PRDM16: variants seen among roughly 807,000 people sequenced by gnomAD.
PRDM16 encodes PR/SET domain 16.
A neutral mutation model predicts 110.6 loss-of-function variants in PRDM16; 23 were observed. That is an observed-to-expected ratio of 0.21 (90% CI 0.15 to 0.29). The LOEUF is 0.29. PRDM16 is among the 10% of genes least tolerant of loss of function. The pLI is 1.00. For missense variants in PRDM16, 1,615 were observed against 1,794.3 expected (o/e 0.90, Z 1.81); for synonymous variants, 799 against 781.8 (o/e 1.02, Z -0.37).
chr1:3,275,285 C>G (rs777226934), intron 3 of PRDM16, among the ~76,000 whole-genome samples: 1 of 152,210 alleles, frequency 6.6e-6, no homozygotes, highest in Non-Finnish European at 1.5e-5. Context: ...AGACCTTGTA[C>G]GTAACAAGTT....
chr1:3,150,991 G>T (rs1466459065), intron 1 of PRDM16, among the ~76,000 whole-genome samples: 1 of 106,860 alleles, frequency 9.4e-6, no homozygotes, highest in Admixed American at 1.1e-4. Context: ...GAAACGGGGG[G>T]CTGGTCCTAG....
At chr1:3,413,280 G>A (rs550044834) in intron 9 of PRDM16, among the ~76,000 whole-genome samples, 4 of 149,140 alleles carry the variant, frequency 2.7e-5, no homozygotes, top group South Asian at 4.2e-4. Flanking sequence ...GAGCCACAGC[G>A]GCAGGGGGAA....
At chr1:3,297,840 A>G (rs1242830856) in intron 3 of PRDM16, among the ~76,000 whole-genome samples, 4 of 152,232 alleles carry the variant, frequency 2.6e-5, no homozygotes, top group Non-Finnish European at 4.4e-5. Flanking sequence ...TTCCAGGAGT[A>G]AAAAGGGAAT....
At chr1:3,266,390 C>G (rs1249199400) in intron 3 of PRDM16, among the ~76,000 whole-genome samples, 2 of 152,202 alleles carry the variant, frequency 1.3e-5, no homozygotes, top group African/African-American at 4.8e-5. Context: ...CTTTTCGCCC[C>G]GAGAGCCCCT....
chr1:3,234,702 A>C (rs1639500891), intron 2 of PRDM16, among the ~76,000 whole-genome samples: 1 of 152,196 alleles, frequency 6.6e-6, no homozygotes, highest in African/African-American at 2.4e-5. Context: ...GGCCCAGGTG[A>C]ACATGACCAT....
At chr1:3,369,572 C>T (rs1642874969) in intron 3 of PRDM16, among the ~76,000 whole-genome samples, 1 of 152,238 alleles carries the variant, frequency 6.6e-6, no homozygotes. Context: ...TTCACGGGCC[C>T]TGGGGCCCTT....
chr1:3,162,459 G>A (rs1046752178), intron 1 of PRDM16, among the ~76,000 whole-genome samples: 15 of 152,220 alleles, frequency 9.9e-5, no homozygotes, highest in Non-Finnish European at 1.6e-4. Flanking sequence ...CAACTCCCAA[G>A]AGAGCTGCAG....
chr1:3,109,668 C>T (rs1319522149), intron 1 of PRDM16, among the ~76,000 whole-genome samples: 1 of 152,240 alleles, frequency 6.6e-6, no homozygotes, highest in Non-Finnish European at 1.5e-5. Context: ...TCAAGTCCAT[C>T]CCGGGGAGTG....
intron 1 of PRDM16, among the ~76,000 whole-genome samples, chr1:3,183,705 C>T (rs931616901): frequency 6.6e-6 from 1 of 152,230 alleles, no homozygotes; most frequent in African/African-American, 2.4e-5. Flanking sequence ...CGCTGATTTT[C>T]CTCCAGCGGG....
rs1643190547 is a variant in PRDM16 at position 3,386,080 on chromosome 1, C to A, written c.573+794C>A. ...GCGAGTGGCCCCTGGAGGCCCTTCT[C>A]ACTCTCAAGCCAGGCCTCCCGGGCG... On this transcript the variant is annotated intron_variant, in intron 4 of 16. Coordinates refer to ENST00000270722, the MANE Select transcript of PRDM16 (RefSeq NM_022114.4). Among the ~76,000 whole-genome samples the A allele has an allele frequency of 2.6e-5, 4 of 152,332 alleles. No homozygotes were observed. The South Asian group carries it at 8.3e-4, about 32-fold the overall frequency.
intron 5 of PRDM16, among the ~76,000 whole-genome samples, chr1:3,397,010 G>A (rs189422400): frequency 2.6e-5 from 4 of 152,256 alleles, no homozygotes; most frequent in East Asian, 1.9e-4. Flanking sequence ...TTAAATGAAC[G>A]AACAAACAAA....
At chr1:3,248,443 T>A (rs1249944442) in intron 3 of PRDM16, among the ~76,000 whole-genome samples, 1 of 151,928 alleles carries the variant, frequency 6.6e-6, no homozygotes, top group Non-Finnish European at 1.5e-5. Context: ...TCTATCCCCC[T>A]CCTCCCAAAA....
chr1:3,299,604 T>A (rs79541153), intron 3 of PRDM16, among the ~76,000 whole-genome samples: 1 of 113,796 alleles, frequency 8.8e-6, no homozygotes, highest in African/African-American at 3.4e-5. Context: ...GTGCTGTGGC[T>A]GTGATGTTTC....
chr1:3,336,889 A>G (rs1029716999), intron 3 of PRDM16, among the ~76,000 whole-genome samples: 1 of 151,260 alleles, frequency 6.6e-6, no homozygotes, highest in Non-Finnish European at 1.5e-5. Flanking sequence ...GCATGCATCC[A>G]CATGTGTGTT....
At chr1:3,355,304 T>C (rs1459869758) in intron 3 of PRDM16, among the ~76,000 whole-genome samples, 1 of 152,132 alleles carries the variant, frequency 6.6e-6, no homozygotes, top group African/African-American at 2.4e-5. Flanking sequence ...AAGGGCCTAA[T>C]GCAGGGAGAT....
chr1:3,360,036 C>T (rs1570132125), intron 3 of PRDM16, among the ~76,000 whole-genome samples: 1 of 140,518 alleles, frequency 7.1e-6, no homozygotes, highest in Non-Finnish European at 1.5e-5. Flanking sequence ...GTTAGCGGGC[C>T]GCCATCCCTT....
rs1383076267 is a variant in PRDM16 at position 3,412,357 on chromosome 1, C to T, written c.2160C>T (p.Pro720=). Residue 720 remains proline (P), a synonymous_variant, in exon 9 of 17, where the codon CCC becomes CCT. Coordinates refer to ENST00000270722, the MANE Select transcript of PRDM16 (RefSeq NM_022114.4). ...GMQEKKLGSL[P]YHSAFPFQFL... is the part of the protein sequence containing the mutation. Reference sequence around the variant, plus strand: ...AGGAGAAGAAGCTGGGCTCGCTCCCCTACCACTCGGCGTTCCCCTTCCAGT... The same window carrying T: ...AGGAGAAGAAGCTGGGCTCGCTCCCTTACCACTCGGCGTTCCCCTTCCAGT... 4 of 1,613,546 alleles carry T rather than the reference C, an allele frequency of 2.5e-6. No individual in the cohort carries two copies. The African/African-American group carries it at 4.0e-5, about 16-fold the overall frequency.
intron 3 of PRDM16, among the ~76,000 whole-genome samples, chr1:3,322,693 A>G (rs989288552): frequency 6.6e-6 from 1 of 152,158 alleles, no homozygotes; most frequent in African/African-American, 2.4e-5. Context: ...TCTCCCCCAG[A>G]TGGCCACCCT....
intron 12 of PRDM16, among the ~76,000 whole-genome samples, chr1:3,420,768 A>G (rs1022101127): frequency 6.6e-6 from 1 of 151,976 alleles, no homozygotes; most frequent in Non-Finnish European, 1.5e-5. Flanking sequence ...AGTTAAGCAT[A>G]TAGGCTTTGC....
Sources: gnomAD v4.1 joint callset for allele counts (sites outside exome capture counted in the v4.1 genomes callset) on GRCh38, gnomAD v4.1.1 for gene constraint, MANE v1.5 for transcripts, NCBI Gene and HGNC (gene_info 2026-07-23, HGNC 2026-07-21) for gene names.